YPEL2: variants seen among roughly 807,000 people sequenced by gnomAD.
YPEL2 encodes protein yippee-like 2.
Under a neutral mutation model 19.1 loss-of-function variants are expected in YPEL2, and 2 were observed. The ratio of observed to expected loss-of-function variants is 0.10; its 90% CI spans 0.04 to 0.33. The LOEUF is 0.33. YPEL2 is among the 10% of genes least tolerant of loss of function. YPEL2 has a pLI of 1.00. For missense variants in YPEL2, 66 were observed against 140.7 expected, an observed-to-expected ratio of 0.47 and a Z score of 2.68; for synonymous variants, 52 against 50.0, an observed-to-expected ratio of 1.04 and a Z score of -0.17.
Position 59,397,090 on chromosome 17 carries a change from G to A in YPEL2, c.271-11G>A. The A allele has an allele frequency of 1.3e-6, 2 of 1,597,890 alleles. No individual in the cohort carries two copies. The highest frequency in any genetic ancestry group is 8.5e-7 in the Non-Finnish European group (1 of 1,172,168). ...CGTTCAGTATCTCTTCTCTGCTTCT[G>A]TATTTCCTAGGAACATGCTTTTGAA... is the stretch of plus-strand genomic sequence containing the variant. On this transcript the variant is annotated splice_polypyrimidine_tract_variant and intron_variant, in intron 4 of 4. Transcript: ENST00000312655.
At chr17:59,382,576 A>T (rs1349758252) in intron 2 of YPEL2, among the ~76,000 whole-genome samples, 1 of 152,244 alleles carries the variant, frequency 6.6e-6, no homozygotes, top group Non-Finnish European at 1.5e-5. Flanking sequence ...GTGTGCTGCC[A>T]TGTAATATGT....
intron 2 of YPEL2, among the ~76,000 whole-genome samples, chr17:59,386,570 A>G (rs1276497987): frequency 6.6e-6 from 1 of 152,158 alleles, no homozygotes; most frequent in Non-Finnish European, 1.5e-5. Flanking sequence ...AGTGAAGGAC[A>G]TAATGGGGAG....
At chr17:59,383,372 G>A (rs984094568) in intron 2 of YPEL2, among the ~76,000 whole-genome samples, 1 of 150,926 alleles carries the variant, frequency 6.6e-6, no homozygotes, top group Non-Finnish European at 1.5e-5. Context: ...GCCAAGGCGG[G>A]TGGATCATGA....
chr17:59,387,593 A>G (rs2147956714), intron 2 of YPEL2, among the ~76,000 whole-genome samples: 1 of 152,280 alleles, frequency 6.6e-6, no homozygotes, highest in East Asian at 1.9e-4. Flanking sequence ...ATGGAAGCAG[A>G]CGCCAGATTG....
chr17:59,340,012 G>A (rs1352333642), intron 1 of YPEL2, among the ~76,000 whole-genome samples: 2 of 151,824 alleles, frequency 1.3e-5, no homozygotes, highest in Non-Finnish European at 2.9e-5. Context: ...TATGAGGGCT[G>A]ATTAACCAGA....
rs1211186659 is a variant in YPEL2, at chr17:59,401,228, A to G, written c.*4038A>G. The G allele has an allele frequency of 6.6e-6, 1 of 152,200 alleles. No individual in the cohort carries two copies. The highest frequency in any genetic ancestry group is 6.5e-5 in the Admixed American group (1 of 15,276). The allele number at this position is 152,200 out of a possible 1,614,324, so 9.4% of individuals were successfully genotyped here. ...GCTGAGAAATCAAATCTTGAACACA[A>G]TCAACTTACATATTTTAAAGGAATC... On this transcript the variant is annotated 3_prime_UTR_variant, in exon 5 of 5. Coordinates refer to ENST00000312655, the MANE Select transcript of YPEL2 (RefSeq NM_001005404.4).
intron 2 of YPEL2, among the ~76,000 whole-genome samples, chr17:59,387,265 A>C (rs961723797): frequency 5.8e-4 from 88 of 151,814 alleles, no homozygotes; most frequent in Admixed American, 7.9e-4. Flanking sequence ...TCTAAAAAAA[A>C]AAAAAAAAAA....
intron 2 of YPEL2, among the ~76,000 whole-genome samples, chr17:59,366,550 C>G (rs1039114836): frequency 6.6e-6 from 1 of 152,178 alleles, no homozygotes; most frequent in Admixed American, 6.5e-5. Context: ...CCAGCCGAGT[C>G]GGGCAGCCCC....
chr17:59,396,342 T>C (rs1452133919), intron 4 of YPEL2, among the ~76,000 whole-genome samples: 1 of 152,236 alleles, frequency 6.6e-6, no homozygotes, highest in Non-Finnish European at 1.5e-5. Flanking sequence ...CCATGAAGTT[T>C]ATATTGTAGT....
intron 1 of YPEL2, among the ~76,000 whole-genome samples, chr17:59,345,552 A>T (rs1248890207): frequency 6.6e-6 from 1 of 152,152 alleles, no homozygotes; most frequent in Admixed American, 6.5e-5. Context: ...TCAATACAGT[A>T]AGTGATGGAG....
chr17:59,393,876 A>T (rs2048021977), intron 4 of YPEL2, among the ~76,000 whole-genome samples: 1 of 152,050 alleles, frequency 6.6e-6, no homozygotes, highest in East Asian at 1.9e-4. Flanking sequence ...AATTTTTCTT[A>T]GTACAGAACA....
intron 4 of YPEL2, among the ~76,000 whole-genome samples, chr17:59,394,534 G>A (rs1313399764): frequency 2.6e-5 from 4 of 151,674 alleles, no homozygotes; most frequent in African/African-American, 7.3e-5. Context: ...GACGATGGGC[G>A]GCCGGGCAGA....
chr17:59,397,842 GT>G lies in YPEL2; in HGVS notation c.*653del. ...CAAGGGCCTGGTTCTCCTGGGCTGA[GT>G]GGGGGAGTGTCCTGGCAGCAGCGAG... On this transcript the variant is annotated 3_prime_UTR_variant, in exon 5 of 5. Coordinates refer to ENST00000312655, the MANE Select transcript of YPEL2 (RefSeq NM_001005404.4). 1 of 152,644 alleles carries G rather than the reference GT, an allele frequency of 6.6e-6. No homozygotes were observed. The highest frequency in any genetic ancestry group is 1.9e-4 in the East Asian group (1 of 5,194). 9.5% of individuals were successfully genotyped at this position (152,644 alleles called of 1,614,324 possible).
intron 1 of YPEL2, among the ~76,000 whole-genome samples, chr17:59,351,764 T>G (rs1020870986): frequency 1.3e-5 from 2 of 152,204 alleles, no homozygotes; most frequent in Non-Finnish European, 2.9e-5. Flanking sequence ...TCTGAATCCC[T>G]TCAACAGTCA....
In YPEL2 at chr17:59,398,954, C is replaced by A. The variant is rs564885052; in HGVS notation, c.*1764C>A. ...AAATGCTTTTTTGTGTGTCTCCACGCGCTGATGGTGGAATGGGAGCCCCAA... is the reference window on the plus strand; with the variant it reads ...AAATGCTTTTTTGTGTGTCTCCACGAGCTGATGGTGGAATGGGAGCCCCAA... On this transcript the variant is annotated 3_prime_UTR_variant, in exon 5 of 5. Transcript: ENST00000312655. 3 of 152,290 alleles carry A rather than the reference C, an allele frequency of 2.0e-5. No individual in the cohort carries two copies. In the South Asian group the frequency reaches 6.2e-4, roughly 32 times the overall value. The allele number at this position is 152,290 out of a possible 1,614,324, so 9.4% of individuals were successfully genotyped here.
At chr17:59,394,496 G>A (rs1196217740) in intron 4 of YPEL2, among the ~76,000 whole-genome samples, 4 of 150,728 alleles carry the variant, frequency 2.7e-5, no homozygotes, top group African/African-American at 9.8e-5. Context: ...AGACTGGGCA[G>A]CCAGGCAGAG....
In YPEL2 at chr17:59,353,803, TG is replaced by T. The variant is rs1389690960; in HGVS notation, c.117+280del. ...AGAGAAGGGAGGGGCTGGGGATTGA[TG>T]GGAGCCTTGTTCTCAGCTTGCTTGG... On this transcript the variant is annotated intron_variant, in intron 2 of 4. Transcript: ENST00000312655. The surrounding 1 kb of genome is among the most constrained non-coding windows in gnomAD (Gnocchi z 4.8). 1 of 417,602 alleles carries T rather than the reference TG, an allele frequency of 2.4e-6. No individual in the cohort carries two copies. The highest frequency in any genetic ancestry group is 4.5e-6 in the Non-Finnish European group (1 of 219,788). 25.9% of individuals were successfully genotyped at this position (417,602 alleles called of 1,614,324 possible).
chr17:59,372,006 G>A (rs1269367795), intron 2 of YPEL2, among the ~76,000 whole-genome samples: 2 of 152,080 alleles, frequency 1.3e-5, no homozygotes, highest in African/African-American at 4.8e-5. Context: ...GCTGGCTATA[G>A]GAATTATTAC....
chr17:59,387,257 TAAAA>T lies in YPEL2; in HGVS notation c.118-1050_118-1047del, dbSNP rs373789547. Reference sequence around the variant, plus strand: ...CTGGATGACAGAGCAAGACTCCATCTAAAAAAAAAAAAAAAAAAAAAAAGAATTT... The same window carrying T: ...CTGGATGACAGAGCAAGACTCCATCTAAAAAAAAAAAAAAAAAAAGAATTT... On this transcript the variant is annotated intron_variant, in intron 2 of 4. Coordinates refer to ENST00000312655, the MANE Select transcript of YPEL2 (RefSeq NM_001005404.4). Among the ~76,000 whole-genome samples the T allele has an allele frequency of 8.0e-4, 62 of 77,562 alleles. 1 individual carries two copies. Among genetic ancestry groups the T allele is most frequent in the Admixed American group, 4.7e-3 (29 of 6,166 alleles). 50.9% of individuals were successfully genotyped at this position (77,562 alleles called of 152,430 possible).
Sources: allele counts gnomAD v4.1 joint callset (sites outside exome capture counted in the v4.1 genomes callset), GRCh38; gene constraint gnomAD v4.1.1; non-coding constraint Gnocchi (gnomAD v3.1); transcripts MANE v1.5; gene names NCBI Gene and HGNC (gene_info 2026-07-23, HGNC 2026-07-21).